Variants in HPSE2 observed in about 807,000 individuals in gnomAD.
The protein encoded by HPSE2 is heparanase 2 (inactive).
In HPSE2, 38 loss-of-function variants were observed where a neutral mutation model predicts 60.5. The observed-to-expected ratio is 0.63, with a 90% CI of 0.48 to 0.82. The LOEUF (loss-of-function observed/expected upper bound fraction) is 0.82, where lower values mean the gene tolerates loss of function less well. HPSE2 is among the 40% of genes least tolerant of loss of function. HPSE2 has a pLI of 0.00. For missense variants in HPSE2, 713 were observed against 740.4 expected (o/e 0.96, Z 0.43); for synonymous variants, 295 against 293.2 (o/e 1.01, Z -0.06).
At chr10:98,820,677 TTGGGGGTTC>T (rs1172761205) in intron 3 of HPSE2, among the ~76,000 whole-genome samples, 1 of 152,138 alleles carries the variant, frequency 6.6e-6, no homozygotes, top group East Asian at 1.9e-4. Flanking sequence ...AATAAATGTG[TTGGGGGTTC>T]TTTACCCCAA....
chr10:98,859,214 T>A (rs576977920), intron 3 of HPSE2, among the ~76,000 whole-genome samples: 22 of 152,236 alleles, frequency 1.4e-4, no homozygotes, highest in Non-Finnish European at 3.1e-4. Flanking sequence ...CTTTCACACA[T>A]CACAGCAAAG....
rs1849813932 is a variant in HPSE2 at position 99,235,630 on chromosome 10, T to G, written c.173A>C (p.Lys58Thr). The G allele has an allele frequency of 6.2e-7, 1 of 1,613,940 alleles. No homozygotes were observed. Among genetic ancestry groups the G allele is most frequent in the Admixed American group, 1.7e-5 (1 of 59,990 alleles). The stretch of plus-strand genomic sequence containing the variant: ...GCTCACATCAAGTAGAATCAGGGTC[T>G]TTTCCTTCAAACCTGCAGCTCTGTC... Reference protein sequence around the residue: ...PVDRAAGLKEKTLILLDVSTK... With the variant: ...PVDRAAGLKETTLILLDVSTK... The change falls in exon 1 of 12, where the codon AAG (lysine) becomes ACG (threonine). Residue 58 changes from lysine (K) to threonine (T), a missense_variant. Lys to Thr is a moderately conservative substitution (Grantham distance 78). Coordinates refer to ENST00000370552, the MANE Select transcript of HPSE2 (RefSeq NM_021828.5).
At chr10:98,662,745 T>G (rs1483848381) in intron 6 of HPSE2, among the ~76,000 whole-genome samples, 3 of 152,204 alleles carry the variant, frequency 2.0e-5, no homozygotes, top group Non-Finnish European at 4.4e-5. Context: ...GAATGCACTT[T>G]GAGAAAACAA....
intron 3 of HPSE2, among the ~76,000 whole-genome samples, chr10:98,948,917 A>C (rs1337372641): frequency 6.6e-6 from 1 of 152,186 alleles, no homozygotes; most frequent in African/African-American, 2.4e-5. Flanking sequence ...ATACAATATA[A>C]TAAATACAAC....
At chr10:98,683,544 T>C (rs1947837917) in intron 6 of HPSE2, among the ~76,000 whole-genome samples, 1 of 151,778 alleles carries the variant, frequency 6.6e-6, no homozygotes, top group Non-Finnish European at 1.5e-5. Flanking sequence ...AAGGGACATT[T>C]TGAGGAATAA....
chr10:98,990,176 C>G (rs1956489304), intron 3 of HPSE2, among the ~76,000 whole-genome samples: 1 of 152,196 alleles, frequency 6.6e-6, no homozygotes, highest in Admixed American at 6.5e-5. Context: ...TTGTCACTTG[C>G]CATTTGCTGA....
chr10:99,255,244 T>C, the HPSE2 span, among the ~76,000 whole-genome samples: 6 of 152,304 alleles, frequency 3.9e-5, no homozygotes, highest in Middle Eastern at 3.4e-3. Context: ...TTGTTTATTT[T>C]AAATTTGTGT....
intron 2 of HPSE2, among the ~76,000 whole-genome samples, chr10:99,178,520 GAAA>G (rs140319252): frequency 0.49 from 74,689 of 151,580 alleles, 21,522 homozygotes; most frequent in Non-Finnish European, 0.64. Context: ...GAAAATCTAG[GAAA>G]ACCGGATAAA....
At chr10:98,889,923 C>T (rs1307273597) in intron 3 of HPSE2, among the ~76,000 whole-genome samples, 1 of 152,120 alleles carries the variant, frequency 6.6e-6, no homozygotes, top group Non-Finnish European at 1.5e-5. Context: ...GAATGGAGAA[C>T]TGCTATAAAT....
At chr10:98,476,223 AC>A (rs1941010778) in intron 11 of HPSE2, among the ~76,000 whole-genome samples, 1 of 149,312 alleles carries the variant, frequency 6.7e-6, no homozygotes, top group Non-Finnish European at 1.5e-5. Flanking sequence ...TAACACAAGG[AC>A]AAAAAACCAA....
intron 6 of HPSE2, among the ~76,000 whole-genome samples, chr10:98,651,793 G>C (rs1207972377): frequency 6.7e-6 from 1 of 148,232 alleles, no homozygotes; most frequent in Non-Finnish European, 1.5e-5. Flanking sequence ...TTTTTCTTGA[G>C]ATGGAGTCTC....
At chr10:98,766,396 C>T (rs1950119583) in intron 3 of HPSE2, among the ~76,000 whole-genome samples, 1 of 152,286 alleles carries the variant, frequency 6.6e-6, no homozygotes, top group Non-Finnish European at 1.5e-5. Context: ...TCTAAACAAT[C>T]TCTTCCTGAA....
intron 9 of HPSE2, among the ~76,000 whole-genome samples, chr10:98,531,777 A>T (rs1191823081): frequency 1.3e-5 from 2 of 152,080 alleles, no homozygotes; most frequent in African/African-American, 4.8e-5. Context: ...TTAACACAGG[A>T]AGCCCCCTGG....
intron 9 of HPSE2, among the ~76,000 whole-genome samples, chr10:98,535,556 T>C (rs1943257121): frequency 6.6e-6 from 1 of 152,160 alleles, no homozygotes; most frequent in Non-Finnish European, 1.5e-5. Context: ...GCAGGCAGTA[T>C]ACTCTGGTGG....
intron 9 of HPSE2, among the ~76,000 whole-genome samples, chr10:98,499,673 T>A (rs1941965675): frequency 6.6e-6 from 1 of 152,126 alleles, no homozygotes; most frequent in South Asian, 2.1e-4. Flanking sequence ...GTACCTCACA[T>A]CTCAGTACTA....
chr10:99,149,611 T>C (rs377658894), intron 2 of HPSE2, among the ~76,000 whole-genome samples: 5 of 152,332 alleles, frequency 3.3e-5, no homozygotes, highest in Middle Eastern at 3.4e-3. Flanking sequence ...ATTCAACAAG[T>C]GCCAGATGTT....
intron 3 of HPSE2, among the ~76,000 whole-genome samples, chr10:99,031,514 T>C (rs141456317): frequency 2.9e-4 from 44 of 152,304 alleles, no homozygotes; most frequent in African/African-American, 9.9e-4. Context: ...CTCTATGAGA[T>C]AGACACATTT....
chr10:99,196,959 T>C (rs1377316673), intron 2 of HPSE2, among the ~76,000 whole-genome samples: 1 of 152,176 alleles, frequency 6.6e-6, no homozygotes, highest in Admixed American at 6.5e-5. Flanking sequence ...AGCTAAGATT[T>C]GGAATCAACC....
intron 4 of HPSE2, among the ~76,000 whole-genome samples, chr10:98,726,497 A>T (rs1200747900): frequency 3.7e-5 from 2 of 54,064 alleles, no homozygotes; most frequent in Admixed American, 2.2e-4. Context: ...GGGCAGGGGG[A>T]GGGGGGAGGG....
Sources: gnomAD v4.1 joint callset for allele counts (sites outside exome capture counted in the v4.1 genomes callset) on GRCh38, gnomAD v4.1.1 for gene constraint, MANE v1.5 for transcripts, NCBI Gene and HGNC (gene_info 2026-07-23, HGNC 2026-07-21) for gene names.